The following ZNF292 variants were observed in gnomAD, a reference collection of about 807,000 sequenced individuals.
The protein encoded by ZNF292 is 16 zinc-finger domain protein.
A neutral mutation model predicts 217.9 loss-of-function variants in ZNF292; 26 were observed. The observed-to-expected ratio is 0.12, with a 90% CI of 0.09 to 0.17. The LOEUF (loss-of-function observed/expected upper bound fraction) is 0.17. ZNF292 is among the 10% of genes least tolerant of loss of function. The pLI is 1.00. For synonymous variants in ZNF292, 1,257 were observed against 1,124.1 expected, an observed-to-expected ratio of 1.12 and a Z score of -2.37; for missense variants, 2,904 against 3,175.2, an observed-to-expected ratio of 0.91 and a Z score of 2.05.
At chr6:87,181,799 A>G (rs1175126958) in intron 1 of ZNF292, among the ~76,000 whole-genome samples, 2 of 151,842 alleles carry the variant, frequency 1.3e-5, no homozygotes, top group Non-Finnish European at 2.9e-5. Flanking sequence ...CTCCTGCCTC[A>G]GCCTCCCAAG....
In ZNF292 at chr6:87,260,171, G is replaced by T. The variant is rs1002999673; in HGVS notation, c.6542G>T (p.Arg2181Leu). The change falls in exon 8 of 8, where the codon CGA becomes CTA. Residue 2181 changes from arginine (R) to leucine (L), a missense_variant. Coordinates refer to ENST00000369577, the MANE Select transcript of ZNF292 (RefSeq NM_015021.3). ...EFRCQVSDCS[R>L]IFQAITGLIQ... is the part of the protein sequence containing the mutation. ...CGATGTCAGGTAAGTGACTGTTCTC[G>T]AATTTTCCAAGCAATTACTGGCCTA... 16 of 1,612,642 alleles carry T rather than the reference G, an allele frequency of 9.9e-6. No individual in the cohort carries two copies. Among genetic ancestry groups the T allele is most frequent in the Non-Finnish European group, 8.5e-7 (1 of 1,178,988 alleles).
intron 1 of ZNF292, among the ~76,000 whole-genome samples, chr6:87,175,158 G>A (rs2127775072): frequency 6.6e-6 from 1 of 152,190 alleles, no homozygotes; most frequent in Middle Eastern, 3.4e-3. Flanking sequence ...TCTCTCTTCA[G>A]ATTTTGCCCC....
intron 4 of ZNF292, chr6:87,223,771 G>A (rs1327202253): frequency 6.6e-6 from 1 of 151,850 alleles, no homozygotes; most frequent in African/African-American, 2.4e-5. Flanking sequence ...TTTGTTTTTT[G>A]TGTGATTACT....
intron 1 of ZNF292, among the ~76,000 whole-genome samples, chr6:87,203,763 G>A (rs1772163980): frequency 6.6e-6 from 1 of 151,936 alleles, no homozygotes; most frequent in East Asian, 1.9e-4. Context: ...GGTGAGATGA[G>A]TTAGGCATCC....
intron 4 of ZNF292, among the ~76,000 whole-genome samples, chr6:87,221,323 G>A (rs1338053854): frequency 6.6e-6 from 1 of 152,112 alleles, no homozygotes; most frequent in Non-Finnish European, 1.5e-5. Flanking sequence ...CCTCTCTTTA[G>A]TCATAATCTT....
chr6:87,174,938 A>G (rs72916538), intron 1 of ZNF292, among the ~76,000 whole-genome samples: 3,976 of 152,238 alleles, frequency 0.026, 95 homozygotes, highest in Non-Finnish European at 0.042. Flanking sequence ...GTCATCTCAG[A>G]TTTTCTCTGG....
chr6:87,254,221 AAG>A (rs1775083647), intron 7 of ZNF292, among the ~76,000 whole-genome samples: 1 of 152,220 alleles, frequency 6.6e-6, no homozygotes, highest in South Asian at 2.1e-4. Context: ...AACAGGAAGT[AAG>A]AGTTACAATA....
chr6:87,169,723 T>G (rs1771036829), intron 1 of ZNF292: 2 of 443,706 alleles, frequency 4.5e-6, no homozygotes, highest in Non-Finnish European at 9.1e-6. Context: ...CAGAGCTCAC[T>G]TCAGCGTCCA....
intron 1 of ZNF292, among the ~76,000 whole-genome samples, chr6:87,193,209 C>T (rs917735010): frequency 6.6e-6 from 1 of 152,046 alleles, no homozygotes; most frequent in Non-Finnish European, 1.5e-5. Flanking sequence ...AGTTTTTGAA[C>T]ACCGACATTA....
At position 87,257,687 on chromosome 6, in the gene ZNF292, G is replaced by C. The variant is rs200446049; in HGVS notation, c.4058G>C (p.Gly1353Ala). The change falls in exon 8 of 8, where the codon GGG becomes GCG. Residue 1353 changes from glycine (G) to alanine (A), a missense_variant. By Grantham distance (60) the Gly-to-Ala change is moderately conservative. Coordinates refer to ENST00000369577, the MANE Select transcript of ZNF292 (RefSeq NM_015021.3). ...AAAGACCGTGGGCGGGGCCCAAATGGGAAGGAAAGAAAACCTAAGCACAAC... is the reference window on the plus strand; with the variant it reads ...AAAGACCGTGGGCGGGGCCCAAATGCGAAGGAAAGAAAACCTAAGCACAAC... ...VKKDRGRGPN[G>A]KERKPKHNKR... 1 of 1,612,364 alleles carries C rather than the reference G, an allele frequency of 6.2e-7. No homozygotes were observed. The highest frequency in any genetic ancestry group is 8.5e-7 in the Non-Finnish European group (1 of 1,179,128).
intron 1 of ZNF292, among the ~76,000 whole-genome samples, chr6:87,195,362 A>G (rs1350881658): frequency 6.6e-6 from 1 of 152,240 alleles, no homozygotes; most frequent in East Asian, 1.9e-4. Flanking sequence ...ATAACAACAT[A>G]GTGTTAAATT....
At chr6:87,178,854 CTT>C (rs1771381804) in intron 1 of ZNF292, among the ~76,000 whole-genome samples, 1 of 152,058 alleles carries the variant, frequency 6.6e-6, no homozygotes, top group East Asian at 1.9e-4. Context: ...TGAAAGAAAA[CTT>C]GAATCTTTTG....
intron 1 of ZNF292, among the ~76,000 whole-genome samples, chr6:87,195,185 A>G (rs1428892398): frequency 6.6e-6 from 1 of 152,232 alleles, no homozygotes; most frequent in African/African-American, 2.4e-5. Context: ...GACAAAGTAA[A>G]ATGTTGAAGA....
chr6:87,224,368 T>C (rs1441258756), intron 4 of ZNF292, among the ~76,000 whole-genome samples: 1 of 152,022 alleles, frequency 6.6e-6, no homozygotes, highest in Non-Finnish European at 1.5e-5. Flanking sequence ...TTTTGTGTTG[T>C]ATAGTTTTAT....
intron 1 of ZNF292, among the ~76,000 whole-genome samples, chr6:87,191,175 A>G (rs1771810677): frequency 6.6e-6 from 1 of 152,148 alleles, no homozygotes; most frequent in African/African-American, 2.4e-5. Flanking sequence ...TGGACATTCT[A>G]TAATGTGTTA....
chr6:87,236,218 G>A (rs776970961), intron 5 of ZNF292, among the ~76,000 whole-genome samples: 2 of 152,080 alleles, frequency 1.3e-5, no homozygotes, highest in African/African-American at 4.8e-5. Flanking sequence ...TTTTGTTTAC[G>A]TGTTCCTTAA....
chr6:87,165,745 AT>A (rs1218938934), intron 1 of ZNF292, among the ~76,000 whole-genome samples: 1 of 143,428 alleles, frequency 7.0e-6, no homozygotes, highest in African/African-American at 2.6e-5. Context: ...ATTAAAATAC[AT>A]GTTTACATTT....
intron 1 of ZNF292, among the ~76,000 whole-genome samples, chr6:87,166,600 C>T (rs1214349967): frequency 2.0e-5 from 3 of 152,222 alleles, no homozygotes; most frequent in Admixed American, 2.0e-4. Flanking sequence ...GTATACCCTT[C>T]TCTGGTCTGC....
chr6:87,253,094 A>G (rs1265285863), intron 7 of ZNF292, among the ~76,000 whole-genome samples: 2 of 145,518 alleles, frequency 1.4e-5, no homozygotes, highest in African/African-American at 5.1e-5. Flanking sequence ...TTTTTTTTTG[A>G]TAGAGATGAG....
Sources: allele counts gnomAD v4.1 joint callset (sites outside exome capture counted in the v4.1 genomes callset), GRCh38; gene constraint gnomAD v4.1.1; transcripts MANE v1.5; gene names NCBI Gene and HGNC (gene_info 2026-07-23, HGNC 2026-07-21).